PCDHA9: variants seen among roughly 807,000 people sequenced by gnomAD.
PCDHA9 encodes protocadherin alpha 9.
A neutral mutation model predicts 62.0 loss-of-function variants in PCDHA9; 62 were observed. The observed-to-expected ratio is 1.00, with a 90% CI of 0.81 to 1.23. PCDHA9 has a LOEUF of 1.23. PCDHA9 is among the 50% of genes most tolerant of loss of function. PCDHA9 has a pLI of 0.00. For synonymous variants in PCDHA9, 557 were observed against 567.6 expected (o/e 0.98, Z 0.27); for missense variants, 1,205 against 1,249.8 (o/e 0.96, Z 0.54).
At chr5:140,963,530 A>T (rs1031416091) in intron 1 of PCDHA9, among the ~76,000 whole-genome samples, 29 of 152,216 alleles carry the variant, frequency 1.9e-4, no homozygotes, top group African/African-American at 6.8e-4. Context: ...CAGAAGTCCC[A>T]TTTACTTCAT....
At chr5:140,969,120 G>T (rs1333559202) in intron 1 of PCDHA9, 1 of 1,613,970 alleles carries the variant, frequency 6.2e-7, no homozygotes, top group Non-Finnish European at 8.5e-7. Flanking sequence ...CGAGGGAATG[G>T]CTCCCTCACC....
rs58232896 is a variant in PCDHA9 at position 140,946,262 on chromosome 5, C to T, written c.2395-32687C>T. Among the ~76,000 whole-genome samples the T allele has an allele frequency of 3.4e-3, 520 of 151,790 alleles. 2 individuals are homozygous for T. Among genetic ancestry groups the T allele is most frequent in the African/African-American group, 0.012 (483 of 41,394 alleles). On this transcript the variant is annotated intron_variant, in intron 1 of 3. Transcript: ENST00000532602. Reference sequence around the variant, plus strand: ...AACATCATGAATCATCAGAAAAATGCGAATTAAAACCCCAATGAGATATCA... The same window carrying T: ...AACATCATGAATCATCAGAAAAATGTGAATTAAAACCCCAATGAGATATCA...
At chr5:140,974,040 T>C (rs1554235767) in intron 1 of PCDHA9, among the ~76,000 whole-genome samples, 2 of 152,260 alleles carry the variant, frequency 1.3e-5, no homozygotes, top group African/African-American at 4.8e-5. Context: ...TTTAGCTTAT[T>C]AATATGATAA....
At chr5:140,940,497 C>T (rs1314378548) in intron 1 of PCDHA9, among the ~76,000 whole-genome samples, 1 of 151,818 alleles carries the variant, frequency 6.6e-6, no homozygotes, top group Non-Finnish European at 1.5e-5. Context: ...AAGTCTTGCT[C>T]CGTCGCTCAG....
intron 1 of PCDHA9, chr5:140,863,681 T>C (rs2048119190): frequency 6.8e-6 from 2 of 294,950 alleles, no homozygotes; most frequent in Non-Finnish European, 1.3e-5. Flanking sequence ...TTTTGCTTTT[T>C]CTTTTGAGAT....
chr5:140,921,693 C>A (rs115825687), intron 1 of PCDHA9, among the ~76,000 whole-genome samples: 103 of 152,244 alleles, frequency 6.8e-4, no homozygotes, highest in African/African-American at 2.4e-3. Flanking sequence ...CTGGCCACCT[C>A]AATTTTAAAC....
chr5:140,940,468 C>A (rs2092618066), intron 1 of PCDHA9, among the ~76,000 whole-genome samples: 1 of 151,866 alleles, frequency 6.6e-6, no homozygotes, highest in African/African-American at 2.4e-5. Flanking sequence ...CTGTTCCCTG[C>A]AATTTTTTTT....
At chr5:140,927,318 C>T (rs149532133) in intron 1 of PCDHA9, 18,448 of 1,614,194 alleles carry the variant, frequency 0.011, 218 homozygotes, top group South Asian at 0.039. Flanking sequence ...CCGGAGCCCG[C>T]TTTACTCTCC....
chr5:140,941,996 A>G (rs951664999), intron 1 of PCDHA9, among the ~76,000 whole-genome samples: 1 of 152,220 alleles, frequency 6.6e-6, no homozygotes, highest in Non-Finnish European at 1.5e-5. Flanking sequence ...AGGGATTCAT[A>G]TCTCTTATTA....
chr5:140,866,287 C>T (rs1396371419), intron 1 of PCDHA9: 1 of 152,074 alleles, frequency 6.6e-6, no homozygotes, highest in Non-Finnish European at 1.5e-5. Flanking sequence ...GTGTTTGGGA[C>T]AAGTATAGAT....
At chr5:140,865,241 T>C (rs1581737051) in intron 1 of PCDHA9, 1 of 152,220 alleles carries the variant, frequency 6.6e-6, no homozygotes, top group Non-Finnish European at 1.5e-5. Context: ...AACACGTATT[T>C]ATAGCTGTAA....
chr5:140,877,944 A>C (rs538675333), intron 1 of PCDHA9: 48 of 1,359,672 alleles, frequency 3.5e-5, no homozygotes, highest in Non-Finnish European at 4.6e-5. Context: ...CCTTTAAACT[A>C]TCGAATGTCT....
chr5:140,950,826 G>A (rs1554219646), intron 1 of PCDHA9, among the ~76,000 whole-genome samples: 1 of 151,824 alleles, frequency 6.6e-6, no homozygotes, highest in African/African-American at 2.4e-5. Flanking sequence ...TTAAAGTTTG[G>A]TCCTTTAAGA....
At chr5:140,979,159 T>C in intron 2 of PCDHA9, 152 bp downstream of exon 2, 4 of 1,426,630 alleles carry the variant, frequency 2.8e-6, no homozygotes, top group Non-Finnish European at 3.7e-6. Flanking sequence ...CCATGTTTAT[T>C]CCTTGAAAGA....
chr5:140,988,658 T>C (rs1470835683), intron 3 of PCDHA9, among the ~76,000 whole-genome samples: 7 of 152,232 alleles, frequency 4.6e-5, no homozygotes, highest in African/African-American at 9.6e-5. Flanking sequence ...TTTTTGTTTA[T>C]GAATAGACTC....
rs1053953271 is a variant in PCDHA9 at position 140,853,589 on chromosome 5, C to G, written c.2394+2700C>G. 1.4e-5 allele frequency: 14 copies of G among 986,246 alleles called. 3 individuals are homozygous for G. The highest frequency in any genetic ancestry group is 1.7e-5 in the Non-Finnish European group (14 of 818,496). 61.1% of individuals were successfully genotyped at this position (986,246 alleles called of 1,614,324 possible). A position where few individuals can be genotyped will look rare whatever the true frequency, so the allele number is the denominator to read the frequency against. The stretch of plus-strand genomic sequence containing the variant: ...AAGTTGTCACCCAATATCTTAGACA[C>G]TTTGAGAGCAAAGGGGGTGCTGTAA... On this transcript the variant is annotated intron_variant, in intron 1 of 3. Coordinates refer to ENST00000532602, the MANE Select transcript of PCDHA9 (RefSeq NM_031857.2).
Position 140,850,619 on chromosome 5 carries a change from T to C in PCDHA9, c.2124T>C (p.Ser708=), listed in dbSNP as rs1327307215. The C allele has an allele frequency of 6.3e-7, 1 of 1,598,468 alleles. No individual in the cohort carries two copies. Among genetic ancestry groups the C allele is most frequent in the Non-Finnish European group, 8.6e-7 (1 of 1,167,886 alleles). Residue 708 remains serine (S), a synonymous_variant, in exon 1 of 4, where the codon TCT becomes TCC. Transcript: ENST00000532602. ...VYLIIAICAV[S]SLLVLTLLLY... ...TGATCATCGCCATCTGCGCGGTGTC[T>C]AGCCTGTTGGTTCTCACGCTGCTGC...
intron 1 of PCDHA9, chr5:140,877,328 A>G (rs782817195): frequency 1.2e-6 from 2 of 1,613,980 alleles, no homozygotes; most frequent in Non-Finnish European, 1.7e-6. Context: ...GTCGGCGCGC[A>G]CATCCCGTTC....
intron 1 of PCDHA9, among the ~76,000 whole-genome samples, chr5:140,965,496 AT>A (rs71766133): frequency 0.14 from 20,233 of 145,920 alleles, 1,374 homozygotes; most frequent in Middle Eastern, 0.21. Flanking sequence ...ATGACAGCAG[AT>A]TTTTTTTTTT....
Sources: gnomAD v4.1 joint callset for allele counts (sites outside exome capture counted in the v4.1 genomes callset) on GRCh38, gnomAD v4.1.1 for gene constraint, MANE v1.5 for transcripts, NCBI Gene and HGNC (gene_info 2026-07-23, HGNC 2026-07-21) for gene names.